Variants in EFHC2 observed in about 807,000 individuals in gnomAD.
EFHC2 encodes the protein EF-hand domain containing 2.
EFHC2 carries 18 observed loss-of-function variants against 52.7 expected under a neutral mutation model. The observed-to-expected ratio is 0.34, with a 90% CI of 0.24 to 0.51. EFHC2 has a LOEUF of 0.51. Among genes scored for constraint, EFHC2 ranks in the 20% least tolerant of loss-of-function variants. EFHC2 has a pLI of 0.97. For synonymous variants in EFHC2, 203 were observed against 204.1 expected (o/e 0.99, Z 0.04); for missense variants, 513 against 562.5 (o/e 0.91, Z 0.89).
chrX:44,236,337 C>T (rs1337274689), intron 8 of EFHC2, among the ~76,000 whole-genome samples: 2 of 111,530 alleles, frequency 1.8e-5, no homozygotes, highest in Non-Finnish European at 3.8e-5. Flanking sequence ...TGTGGATATC[C>T]GCTAGTGAAA....
intron 10 of EFHC2, among the ~76,000 whole-genome samples, chrX:44,232,182 T>C (rs955999914): frequency 5.3e-5 from 6 of 112,152 alleles, no homozygotes; most frequent in Non-Finnish European, 1.1e-4. Context: ...CTGAAAACAT[T>C]GTTAGCGTCA....
At chrX:44,319,487 G>A (rs1024593325) in intron 1 of EFHC2, among the ~76,000 whole-genome samples, 16 of 111,438 alleles carry the variant, frequency 1.4e-4, no homozygotes, top group African/African-American at 2.6e-4. Context: ...TTCAGAGGGC[G>A]CGCAAGAATG....
At chrX:44,287,198 A>T (rs1473281966) in intron 2 of EFHC2, among the ~76,000 whole-genome samples, 5 of 110,990 alleles carry the variant, frequency 4.5e-5, no homozygotes, top group East Asian at 2.8e-4. Context: ...CTAAAAAAAA[A>T]TTTTTTAAAT....
intron 1 of EFHC2, among the ~76,000 whole-genome samples, chrX:44,328,881 G>A (rs949052129): frequency 5.4e-5 from 6 of 111,292 alleles, no homozygotes; most frequent in Admixed American, 1.9e-4. Context: ...GCCTCTAGAA[G>A]GTATTTAAAC....
At chrX:44,204,411 C>G (rs913300372) in intron 11 of EFHC2, among the ~76,000 whole-genome samples, 3 of 110,777 alleles carry the variant, frequency 2.7e-5, no homozygotes, top group African/African-American at 9.9e-5. Context: ...ATAAAGAATT[C>G]AAAATATGGA....
At chrX:44,172,442 G>C (rs1346369530) in intron 13 of EFHC2, among the ~76,000 whole-genome samples, 1 of 112,546 alleles carries the variant, frequency 8.9e-6, no homozygotes, top group Non-Finnish European at 1.9e-5. Context: ...AAATGCCCAA[G>C]AATCGCATGG....
intron 11 of EFHC2, among the ~76,000 whole-genome samples, chrX:44,207,850 C>T (rs1325052034): frequency 8.9e-6 from 1 of 112,540 alleles, no homozygotes; most frequent in African/African-American, 3.2e-5. Flanking sequence ...TGAACAGACA[C>T]TTCTCAAAAG....
chrX:44,260,347 G>T, intron 4 of EFHC2, among the ~76,000 whole-genome samples: 1 of 111,843 alleles, frequency 8.9e-6, no homozygotes, highest in Non-Finnish European at 1.9e-5. Flanking sequence ...CAAGACATTT[G>T]CGATCCAGTC....
intron 11 of EFHC2, among the ~76,000 whole-genome samples, chrX:44,180,759 A>AAAAT (rs1236398916): frequency 9.2e-6 from 1 of 108,140 alleles, no homozygotes; most frequent in East Asian, 2.9e-4. Flanking sequence ...TAAATAAATA[A>AAAAT]AAATAAAAAA....
intron 2 of EFHC2, among the ~76,000 whole-genome samples, chrX:44,275,522 G>A (rs2037649499): frequency 9.1e-6 from 1 of 110,308 alleles, no homozygotes; most frequent in Non-Finnish European, 1.9e-5. Context: ...CCAGAAAACA[G>A]AACCTAAAAT....
chrX:44,246,081 G>T (rs1353893014), intron 7 of EFHC2, among the ~76,000 whole-genome samples: 1 of 111,932 alleles, frequency 8.9e-6, no homozygotes, highest in Non-Finnish European at 1.9e-5. Context: ...ACTTTGTCCT[G>T]GTTTGGGTTT....
chrX:44,282,236 C>G (rs917879888), intron 2 of EFHC2, among the ~76,000 whole-genome samples: 10 of 108,536 alleles, frequency 9.2e-5, no homozygotes, highest in African/African-American at 3.4e-4. Context: ...TATAAAGGCA[C>G]CAGCATGATA....
intron 3 of EFHC2, among the ~76,000 whole-genome samples, chrX:44,268,810 C>A (rs1012844606): frequency 9.0e-6 from 1 of 110,836 alleles, no homozygotes; most frequent in Admixed American, 9.6e-5. Flanking sequence ...TTTAAATGAC[C>A]CTAAAGAATC....
chrX:44,284,030 G>A (rs751342792), intron 2 of EFHC2: 15 of 111,265 alleles, frequency 1.3e-4, no homozygotes, highest in African/African-American at 4.2e-4. Flanking sequence ...CAGGTGCCCC[G>A]CGGAGCTCAG....
intron 14 of EFHC2, among the ~76,000 whole-genome samples, chrX:44,158,403 C>T (rs1315396810): frequency 1.8e-5 from 2 of 111,146 alleles, no homozygotes; most frequent in Admixed American, 9.6e-5. Context: ...AAACTTTAAC[C>T]CAAGCCAGCC....
intron 1 of EFHC2, among the ~76,000 whole-genome samples, chrX:44,319,524 C>T (rs896718494): frequency 1.8e-5 from 2 of 111,796 alleles, no homozygotes; most frequent in African/African-American, 3.3e-5. Flanking sequence ...CTCTTCCTTT[C>T]GATTAAGGCA....
chrX:44,235,336 A>C lies in EFHC2; in HGVS notation c.1392T>G (p.Ile464Met), dbSNP rs780360053. ...TCCTCTCTATAGGTTCAAACACTGAAATGGTGTCATCACCGAGATAATATG... is the reference window on the plus strand; with the variant it reads ...TCCTCTCTATAGGTTCAAACACTGACATGGTGTCATCACCGAGATAATATG... ...VISYYLGDDT[I>M]SVFEPIERNS... is the part of the protein sequence containing the mutation. The change falls in exon 9 of 15, where the codon ATT (isoleucine) becomes ATG (methionine). Residue 464 changes from isoleucine to methionine, a missense_variant. Physicochemically the swap from Ile to Met is conservative, Grantham distance 10 (BLOSUM62 1). Transcript: ENST00000420999. 13 of 1,186,466 alleles carry C rather than the reference A, an allele frequency of 1.1e-5. No individual in the cohort carries two copies. In the African/African-American group the frequency reaches 2.1e-4, roughly 19 times the overall value.
chrX:44,198,415 A>C (rs751371138), intron 11 of EFHC2, among the ~76,000 whole-genome samples: 6 of 111,974 alleles, frequency 5.4e-5, no homozygotes, highest in Non-Finnish European at 1.1e-4. Flanking sequence ...ATACGATCAC[A>C]GCCAAATCCA....
intron 3 of EFHC2, among the ~76,000 whole-genome samples, chrX:44,265,429 G>A (rs766958710): frequency 9.9e-5 from 11 of 110,721 alleles, no homozygotes; most frequent in Admixed American, 2.9e-4. Flanking sequence ...TGGCCACCAC[G>A]CCTGGCTAAC....
Sources: allele counts gnomAD v4.1 joint callset (sites outside exome capture counted in the v4.1 genomes callset), GRCh38; gene constraint gnomAD v4.1.1; transcripts MANE v1.5; gene names NCBI Gene and HGNC (gene_info 2026-07-23, HGNC 2026-07-21).